Variants in CACTIN observed in about 807,000 individuals in gnomAD.
CACTIN encodes the protein cactin, spliceosome C complex subunit, also known as splicing factor Cactin.
CACTIN carries 20 observed loss-of-function variants against 84.9 expected under a neutral mutation model. That is an observed-to-expected ratio of 0.24 (90% CI 0.17 to 0.34). The LOEUF is 0.34. Ranked by LOEUF, CACTIN falls within the 10% of genes least tolerant of loss-of-function variation. The pLI, the probability that CACTIN is intolerant of heterozygous loss-of-function variation, is 1.00. For missense variants in CACTIN, 897 were observed against 1,117.2 expected, an observed-to-expected ratio of 0.80 and a Z score of 2.81; for synonymous variants, 549 against 467.9, an observed-to-expected ratio of 1.17 and a Z score of -2.24.
Position 3,624,167 on chromosome 19 carries a change from G to A in CACTIN, c.168-5C>T, listed in dbSNP as rs776583580. On this transcript the variant is annotated splice_polypyrimidine_tract_variant and splice_region_variant and intron_variant, in intron 1 of 9. Transcript: ENST00000429344. ...CGCTCTTCCTCTGAATCTGACCTGC[G>A]GAGAGGACCATGGATGCCTGCTCAG... 1.0e-5 allele frequency: 16 copies of A among 1,548,160 alleles called. No individual in the cohort carries two copies. The African/African-American group carries it at 1.1e-4, about 11-fold the overall frequency.
intron 7 of CACTIN, among the ~76,000 whole-genome samples, chr19:3,614,083 C>T (rs2033048778): frequency 6.6e-6 from 1 of 152,198 alleles, no homozygotes; most frequent in South Asian, 2.1e-4. Flanking sequence ...CCTGTGATGC[C>T]ATGGCTGCTG....
At chr19:3,613,798 T>TC in intron 7 of CACTIN, 1 of 613,276 alleles carries the variant, frequency 1.6e-6, no homozygotes, top group Non-Finnish European at 2.8e-6. Flanking sequence ...TGGTGAACCA[T>TC]CCCATGGCAG....
At chr19:3,613,843 A>T in intron 7 of CACTIN, 1 of 540,872 alleles carries the variant, frequency 1.8e-6, no homozygotes, top group Non-Finnish European at 3.3e-6. Flanking sequence ...CTGCAGTCTC[A>T]GTGTCTTGTG....
intron 4 of CACTIN, among the ~76,000 whole-genome samples, chr19:3,619,817 T>C (rs2145328134): frequency 1.3e-5 from 2 of 152,220 alleles, no homozygotes; most frequent in African/African-American, 4.8e-5. Flanking sequence ...TCAGCTTGTC[T>C]GTAAACCAGG....
chr19:3,619,972 A>G (rs926021476), intron 4 of CACTIN, among the ~76,000 whole-genome samples, 155 bp downstream of exon 4: 25 of 152,242 alleles, frequency 1.6e-4, no homozygotes, highest in African/African-American at 4.6e-4. Flanking sequence ...AGGAGACAGA[A>G]GCCTTGCCGC....
chr19:3,612,427 G>A lies in CACTIN; in HGVS notation c.1787-14C>T, dbSNP rs775348211. 26 of 1,570,892 alleles carry A rather than the reference G, an allele frequency of 1.7e-5. No individual in the cohort carries two copies. The highest frequency in any genetic ancestry group is 1.8e-5 in the Non-Finnish European group (21 of 1,163,740). ...CGCTGGCGTCTCCTGCGGGCGGGAC[G>A]GCGTTCACCCGGGCCTCGGCCTCCC... On this transcript the variant is annotated splice_polypyrimidine_tract_variant and intron_variant, in intron 9 of 9. Coordinates refer to ENST00000429344, the MANE Select transcript of CACTIN (RefSeq NM_001080543.2).
chr19:3,619,106 T>G lies in CACTIN; in HGVS notation c.1021A>C (p.Met341Leu). Residue 341 changes from methionine (M) to leucine (L), a missense_variant, in exon 5 of 10, where the codon ATG becomes CTG. Met to Leu is a conservative substitution (Grantham distance 15, BLOSUM62 2). Coordinates refer to ENST00000429344, the MANE Select transcript of CACTIN (RefSeq NM_001080543.2). ...TGGATATCCTCCAGCAGGTCCTCCA[T>G]GTCGGCCACGGTGAGGCCGTTGAGG... ...TFLNGLTVAD[M>L]EDLLEDIQVY... is the part of the protein sequence containing the mutation. 6.4e-7 allele frequency: 1 copy of G among 1,574,720 alleles called. No homozygotes were observed. Among genetic ancestry groups the G allele is most frequent in the Non-Finnish European group, 8.6e-7 (1 of 1,160,696 alleles).
At position 3,611,577 on chromosome 19, in the gene CACTIN, C is replaced by A; in HGVS notation, c.*346G>T. The stretch of plus-strand genomic sequence containing the variant: ...TTGGGGCAGGCCCTGTGGGCCCCAC[C>A]CAGCCTGGCTGAGGGGCGGTGGAGA... On this transcript the variant is annotated 3_prime_UTR_variant, in exon 10 of 10. Coordinates refer to ENST00000429344, the MANE Select transcript of CACTIN (RefSeq NM_001080543.2). 5.2e-6 allele frequency: 2 copies of A among 382,940 alleles called. No individual in the cohort carries two copies. Among genetic ancestry groups the A allele is most frequent in the South Asian group, 4.1e-5 (2 of 48,286 alleles). The allele number at this position is 382,940 out of a possible 1,614,324, so 23.7% of individuals were successfully genotyped here.
At chr19:3,612,628 C>T (rs940390864) in intron 9 of CACTIN, among the ~76,000 whole-genome samples, 1 of 152,242 alleles carries the variant, frequency 6.6e-6, no homozygotes, top group Non-Finnish European at 1.5e-5. Context: ...TGTCTATCGT[C>T]CTCCTGGGTG....
Position 3,626,780 on chromosome 19 carries a change from G to A in CACTIN, c.-18C>T, listed in dbSNP as rs1269904868. ...CGACCCATCGGCTGGGCCAGTGGCCGCGGCACCAACACCAATAGCCGAAGC... is the reference window on the plus strand; with the variant it reads ...CGACCCATCGGCTGGGCCAGTGGCCACGGCACCAACACCAATAGCCGAAGC... On this transcript the variant is annotated 5_prime_UTR_variant, in exon 1 of 10. Coordinates refer to ENST00000429344, the MANE Select transcript of CACTIN (RefSeq NM_001080543.2). 1 of 1,367,126 alleles carries A rather than the reference G, an allele frequency of 7.3e-7. No homozygotes were observed. Among genetic ancestry groups the A allele is most frequent in the Non-Finnish European group, 9.5e-7 (1 of 1,057,450 alleles). 84.7% of individuals were successfully genotyped at this position (1,367,126 alleles called of 1,614,324 possible). A position where few individuals can be genotyped will look rare whatever the true frequency, so the allele number is the denominator to read the frequency against.
In CACTIN at chr19:3,614,550, T is replaced by G; in HGVS notation, c.1202A>C (p.Asp401Ala). 1.2e-6 allele frequency: 2 copies of G among 1,609,008 alleles called. No individual in the cohort carries two copies. The highest frequency in any genetic ancestry group is 1.7e-6 in the Non-Finnish European group (2 of 1,177,938). Residue 401 changes from aspartate to alanine, a missense_variant, in exon 7 of 10, where the codon GAT becomes GCT. Physicochemically the swap from Asp to Ala is moderately radical, Grantham distance 126. This residue lies in a region of CACTIN where 304 missense variants were observed against 444.3 expected (regional missense o/e 0.68). Transcript: ENST00000429344. ...CTTCCCCTTGAACACCGACTGCACA[T>G]CAGAGCTGACGGAGGCGTTGACCCC... ...REGVNASVSS[D>A]VQSVFKGKTY...
rs565917647 is a variant in CACTIN at position 3,621,533 on chromosome 19, C to T, written c.643-731G>A. 5.3e-5 allele frequency among the ~76,000 whole-genome samples: 8 copies of T among 152,328 alleles called. No individual in the cohort carries two copies. The East Asian group carries it at 1.2e-3, about 22-fold the overall frequency. On this transcript the variant is annotated intron_variant, in intron 2 of 9. Coordinates refer to ENST00000429344, the MANE Select transcript of CACTIN (RefSeq NM_001080543.2). ...TGGCTGGGGACCACCCCCAGACACC[C>T]GGGCCACTCTGTGGTCTATCCAACC...
chr19:3,613,039 C>T lies in CACTIN; in HGVS notation c.1786+19G>A. On this transcript the variant is annotated intron_variant, in intron 9 of 9. Transcript: ENST00000429344. ...TCGCCCCACTGGCCCCACCCCCTGG[C>T]CTCCAGCCCCGCCCTTACCCGTGAC... 7.5e-7 allele frequency: 1 copy of T among 1,331,498 alleles called. No homozygotes were observed. Among genetic ancestry groups the T allele is most frequent in the Non-Finnish European group, 1.0e-6 (1 of 991,836 alleles). The allele number at this position is 1,331,498 out of a possible 1,614,324, so 82.5% of individuals were successfully genotyped here. A position where few individuals can be genotyped will look rare whatever the true frequency, so the allele number is the denominator to read the frequency against.
Position 3,613,449 on chromosome 19 carries a change from G to A in CACTIN, c.1478+15C>T. 1 of 1,565,764 alleles carries A rather than the reference G, an allele frequency of 6.4e-7. No individual in the cohort carries two copies. ...GCGTCTGCATCGGCGTCCCCGGGGT[G>A]CCGGCCGGGCCTACCTGCGGCTGGG... On this transcript the variant is annotated intron_variant, in intron 8 of 9. Coordinates refer to ENST00000429344, the MANE Select transcript of CACTIN (RefSeq NM_001080543.2).
At chr19:3,613,432 AT>A in intron 8 of CACTIN, 31 bp downstream of exon 8, 1 of 1,552,296 alleles carries the variant, frequency 6.4e-7, no homozygotes, top group Non-Finnish European at 8.7e-7. Context: ...CCGCGTCTGC[AT>A]CGGCGTCCCC....
At chr19:3,624,959 G>A (rs2033303998) in intron 1 of CACTIN, among the ~76,000 whole-genome samples, 1 of 151,324 alleles carries the variant, frequency 6.6e-6, no homozygotes, top group Non-Finnish European at 1.5e-5. Context: ...TGCATGATCA[G>A]AGCTCACTGC....
intron 2 of CACTIN, 47 bp from the exon 3 acceptor site, chr19:3,620,849 G>GC (rs772580650): frequency 2.0e-6 from 3 of 1,464,954 alleles, no homozygotes; most frequent in African/African-American, 1.4e-5. Context: ...CCGCCCCCTC[G>GC]CCCCCCTCCT....
intron 6 of CACTIN, among the ~76,000 whole-genome samples, chr19:3,617,126 T>TAAAC (rs2033121233): frequency 1.4e-5 from 2 of 147,096 alleles, no homozygotes; most frequent in South Asian, 4.4e-4. Flanking sequence ...TCTCAAAAAA[T>TAAAC]AAAATAGCTG....
Position 3,616,878 on chromosome 19 carries a change from C to G in CACTIN, c.1162+1997G>C, listed in dbSNP as rs570057590. 3.7e-4 allele frequency among the ~76,000 whole-genome samples: 56 copies of G among 152,020 alleles called. 1 individual carries two copies. In the South Asian group the frequency reaches 8.7e-3, roughly 24 times the overall value. ...GTGGCTCACTTCTGTAATCCCAGCA[C>G]TTTGGGAGGCTGAGGTGGGAGGATC... On this transcript the variant is annotated intron_variant, in intron 6 of 9. Transcript: ENST00000429344.
Sources: allele counts gnomAD v4.1 joint callset (sites outside exome capture counted in the v4.1 genomes callset), GRCh38; gene constraint gnomAD v4.1.1; regional missense constraint gnomAD v4.1.1; transcripts MANE v1.5; gene names NCBI Gene and HGNC (gene_info 2026-07-23, HGNC 2026-07-21).